CSGALNACT1: variants seen among roughly 807,000 people sequenced by gnomAD.
CSGALNACT1 encodes beta4GalNAcT-1.
In CSGALNACT1, 52 loss-of-function variants were observed where a neutral mutation model predicts 51.0. The observed-to-expected ratio is 1.02, with a 90% confidence interval of 0.82 to 1.29. CSGALNACT1 has a LOEUF of 1.29. CSGALNACT1 is among the 50% of genes most tolerant of loss of function. The probability of loss-of-function intolerance (pLI) is 0.00; values close to 1 mark genes in which losing one functional copy is unlikely to be tolerated. For synonymous variants in CSGALNACT1, 341 were observed against 254.4 expected, an observed-to-expected ratio of 1.34 and a Z score of -3.24; for missense variants, 935 against 679.2, an observed-to-expected ratio of 1.38 and a Z score of -4.19.
intron 3 of CSGALNACT1, among the ~76,000 whole-genome samples, chr8:19,566,232 T>A (rs1185273831): frequency 6.6e-6 from 1 of 151,108 alleles, no homozygotes; most frequent in Non-Finnish European, 1.5e-5. Flanking sequence ...GCAGAGGGAG[T>A]TTTGACACAG....
intron 1 of CSGALNACT1, among the ~76,000 whole-genome samples, chr8:19,689,816 A>G (rs1436025867): frequency 6.6e-6 from 1 of 152,214 alleles, no homozygotes; most frequent in Non-Finnish European, 1.5e-5. Context: ...TAGCATAAAG[A>G]AGTCCCCTGT....
At chr8:19,435,263 G>A (rs896894785) in intron 6 of CSGALNACT1, among the ~76,000 whole-genome samples, 4 of 152,174 alleles carry the variant, frequency 2.6e-5, no homozygotes, top group African/African-American at 9.7e-5. Context: ...GGGAGGCCGA[G>A]GTGGGCGGAT....
At chr8:19,552,406 C>T (rs551405072) in intron 3 of CSGALNACT1, among the ~76,000 whole-genome samples, 61 of 152,224 alleles carry the variant, frequency 4.0e-4, no homozygotes, top group African/African-American at 1.4e-3. Context: ...AGGTAAAATG[C>T]TAATTTGACA....
chr8:19,591,387 G>C (rs2047785266), intron 2 of CSGALNACT1: 1 of 152,186 alleles, frequency 6.6e-6, no homozygotes, highest in Non-Finnish European at 1.5e-5. Flanking sequence ...AGAAGTGTGA[G>C]CTATTCAAAA....
At chr8:19,734,068 C>A (rs897144691) in intron 1 of CSGALNACT1, among the ~76,000 whole-genome samples, 25 of 152,158 alleles carry the variant, frequency 1.6e-4, no homozygotes, top group African/African-American at 6.0e-4. Flanking sequence ...TGGAGAGGGA[C>A]CAGGCTAGTG....
At chr8:19,458,294 G>A (rs1215295496) in intron 5 of CSGALNACT1, 132 bp downstream of exon 4, 57 of 861,126 alleles carry the variant, frequency 6.6e-5, no homozygotes, top group Non-Finnish European at 1.1e-4. Context: ...ACTTTACGTG[G>A]AGAAAACAGA....
At chr8:19,437,427 T>G (rs114357621) in intron 6 of CSGALNACT1, among the ~76,000 whole-genome samples, 2,021 of 152,190 alleles carry the variant, frequency 0.013, 38 homozygotes, top group African/African-American at 0.046. Flanking sequence ...AAGATTGATC[T>G]GGAAGGTAGA....
At chr8:19,429,827 A>G (rs183627075) in intron 6 of CSGALNACT1, among the ~76,000 whole-genome samples, 1 of 152,164 alleles carries the variant, frequency 6.6e-6, no homozygotes, top group Non-Finnish European at 1.5e-5. Context: ...TGGCTGCACC[A>G]TTTTTCATTC....
intron 1 of CSGALNACT1, among the ~76,000 whole-genome samples, chr8:19,670,491 C>T (rs1415571983): frequency 6.6e-6 from 1 of 151,324 alleles, no homozygotes. Context: ...TACATAATGC[C>T]TTCTAAGGTG....
intron 4 of CSGALNACT1, among the ~76,000 whole-genome samples, chr8:19,473,198 T>A (rs977447930): frequency 5.9e-5 from 9 of 152,224 alleles, no homozygotes; most frequent in Non-Finnish European, 1.2e-4. Flanking sequence ...GATATACAAA[T>A]TAGCATATGT....
intron 4 of CSGALNACT1, among the ~76,000 whole-genome samples, chr8:19,463,815 G>A (rs748839758): frequency 4.6e-5 from 7 of 152,190 alleles, no homozygotes; most frequent in African/African-American, 9.6e-5. Flanking sequence ...TCCCAATGCC[G>A]GTCTTTTCCT....
intron 6 of CSGALNACT1, among the ~76,000 whole-genome samples, chr8:19,428,856 TGTGTG>T (rs2059210654): frequency 2.0e-5 from 3 of 151,424 alleles, no homozygotes; most frequent in Admixed American, 2.0e-4. Context: ...TGTGTGTGTG[TGTGTG>T]TGTGTGTGTG....
At chr8:19,663,756 A>C (rs532655042) in intron 1 of CSGALNACT1, among the ~76,000 whole-genome samples, 4 of 152,392 alleles carry the variant, frequency 2.6e-5, no homozygotes, top group African/African-American at 4.8e-5. Flanking sequence ...TCTATTGTGC[A>C]AACAGTTTCA....
chr8:19,701,588 T>A (rs1325532766), intron 1 of CSGALNACT1, among the ~76,000 whole-genome samples: 1 of 152,104 alleles, frequency 6.6e-6, no homozygotes, highest in Non-Finnish European at 1.5e-5. Context: ...CAAATGCAAT[T>A]CCTCAGGGGT....
At chr8:19,727,080 C>T (rs186352227) in intron 1 of CSGALNACT1, among the ~76,000 whole-genome samples, 67 of 152,274 alleles carry the variant, frequency 4.4e-4, no homozygotes, top group Admixed American at 1.1e-3. Context: ...GCCTGGGTCA[C>T]ACATCCATTC....
intron 3 of CSGALNACT1, among the ~76,000 whole-genome samples, chr8:19,575,998 C>T (rs993979779): frequency 5.9e-5 from 9 of 152,028 alleles, no homozygotes; most frequent in African/African-American, 2.2e-4. Flanking sequence ...TTCTGCAGAG[C>T]AGGCCAAGCA....
At chr8:19,409,188 G>A (rs1438334953) in intron 8 of CSGALNACT1, among the ~76,000 whole-genome samples, 2 of 152,164 alleles carry the variant, frequency 1.3e-5, no homozygotes, top group Non-Finnish European at 2.9e-5. Flanking sequence ...CCACTCACAG[G>A]ACTCCCTTGG....
chr8:19,513,286 C>G (rs1268578269), intron 3 of CSGALNACT1, among the ~76,000 whole-genome samples: 1 of 151,688 alleles, frequency 6.6e-6, no homozygotes, highest in African/African-American at 2.4e-5. Context: ...CAGCAAAGGT[C>G]TTAAGATCAA....
intron 1 of CSGALNACT1, among the ~76,000 whole-genome samples, chr8:19,655,036 T>A (rs186083543): frequency 2.0e-5 from 3 of 152,234 alleles, no homozygotes; most frequent in Middle Eastern, 3.4e-3. Context: ...AAAATGGGTA[T>A]CAAAATACAT....
Sources: allele counts gnomAD v4.1 joint callset (sites outside exome capture counted in the v4.1 genomes callset), GRCh38; gene constraint gnomAD v4.1.1; transcripts MANE v1.5; gene names NCBI Gene and HGNC (gene_info 2026-07-23, HGNC 2026-07-21).